The following ARK2C variants were observed in gnomAD, a reference collection of about 807,000 sequenced individuals.
The protein encoded by ARK2C is arkadia (RNF111) C-terminal like ring finger ubiquitin ligase 2C.
the ARK2C span, among the ~76,000 whole-genome samples, chr18:46,355,769 C>T: frequency 6.6e-6 from 1 of 152,220 alleles, no homozygotes; most frequent in Non-Finnish European, 1.5e-5. Context: ...ACACATGCCC[C>T]CTCAAGACCT....
chr18:46,433,885 T>C, the ARK2C span, among the ~76,000 whole-genome samples: 1 of 152,288 alleles, frequency 6.6e-6, no homozygotes, highest in African/African-American at 2.4e-5. Context: ...ACTAGGGAAC[T>C]CCTCATGTCC....
chr18:46,338,674 G>A, the ARK2C span, among the ~76,000 whole-genome samples: 1 of 151,790 alleles, frequency 6.6e-6, no homozygotes, highest in Non-Finnish European at 1.5e-5. Flanking sequence ...TTTTCCCAGA[G>A]TGGAACCCAA....
chr18:46,334,517 G>T, the ARK2C span: 2 of 502,038 alleles, frequency 4.0e-6, no homozygotes, highest in African/African-American at 4.1e-5. The surrounding 1 kb of genome is among the most constrained non-coding windows in gnomAD (Gnocchi z 4.4). Flanking sequence ...CGCCCTCGTG[G>T]GAGCTTTTGT....
the ARK2C span, among the ~76,000 whole-genome samples, chr18:46,389,735 C>T: frequency 6.8e-6 from 1 of 147,004 alleles, no homozygotes; most frequent in Non-Finnish European, 1.5e-5. Flanking sequence ...CATTTCTTTC[C>T]TTTTTTTTTT....
At chr18:46,411,423 T>G in the ARK2C span, among the ~76,000 whole-genome samples, 27 of 152,338 alleles carry the variant, frequency 1.8e-4, no homozygotes, top group Non-Finnish European at 3.4e-4. Context: ...GTCAGCTGAT[T>G]AATTTTCACT....
the ARK2C span, among the ~76,000 whole-genome samples, chr18:46,447,895 C>T: frequency 1.4e-5 from 2 of 147,952 alleles, no homozygotes; most frequent in Non-Finnish European, 3.0e-5. Context: ...CTTCTTGTGT[C>T]CTGGCTCCCT....
At chr18:46,376,664 CTTTTTTTTTTTT>C in the ARK2C span, among the ~76,000 whole-genome samples, 3 of 72,246 alleles carry the variant, frequency 4.2e-5, no homozygotes, top group African/African-American at 1.7e-4. Flanking sequence ...GGTTAATAAT[CTTTTTTTTTTTT>C]TTTTTTTTTT....
At chr18:46,362,943 C>A in the ARK2C span, among the ~76,000 whole-genome samples, 2 of 152,208 alleles carry the variant, frequency 1.3e-5, no homozygotes, top group African/African-American at 2.4e-5. Flanking sequence ...ATCAGACAGA[C>A]CCCGGGGCTC....
At chr18:46,367,895 T>A in the ARK2C span, among the ~76,000 whole-genome samples, 1 of 152,246 alleles carries the variant, frequency 6.6e-6, no homozygotes, top group Non-Finnish European at 1.5e-5. Flanking sequence ...CAGGCATCTG[T>A]ACTTTGAACC....
the ARK2C span, among the ~76,000 whole-genome samples, chr18:46,412,076 A>C: frequency 6.6e-6 from 1 of 152,230 alleles, no homozygotes; most frequent in Non-Finnish European, 1.5e-5. Context: ...CTCTTCCCCA[A>C]GTGCAGATCT....
chr18:46,336,947 C>G, the ARK2C span: 4 of 985,378 alleles, frequency 4.1e-6, no homozygotes, highest in South Asian at 1.9e-4. Flanking sequence ...CTTGGTGCAC[C>G]AAGGTCCCTG....
At chr18:46,401,519 G>C in the ARK2C span, among the ~76,000 whole-genome samples, 1 of 152,196 alleles carries the variant, frequency 6.6e-6, no homozygotes, top group Admixed American at 6.5e-5. Flanking sequence ...GACGTGAAGT[G>C]ATTTGCCCAT....
chr18:46,424,423 C>G, the ARK2C span, among the ~76,000 whole-genome samples: 4 of 152,136 alleles, frequency 2.6e-5, no homozygotes. Flanking sequence ...AACGTGGCAG[C>G]CATTTATTTG....
the ARK2C span, among the ~76,000 whole-genome samples, chr18:46,407,428 A>G: frequency 2.6e-5 from 4 of 152,072 alleles, no homozygotes; most frequent in African/African-American, 9.7e-5. Flanking sequence ...CGTCATCATC[A>G]TTATTATTAT....
At chr18:46,372,088 C>T in the ARK2C span, among the ~76,000 whole-genome samples, 1 of 152,134 alleles carries the variant, frequency 6.6e-6, no homozygotes, top group Non-Finnish European at 1.5e-5. Context: ...GACTGGCATC[C>T]ACACAGATGT....
chr18:46,443,367 A>G, the ARK2C span, among the ~76,000 whole-genome samples: 21 of 152,284 alleles, frequency 1.4e-4, no homozygotes, highest in Non-Finnish European at 2.5e-4. Context: ...CCTATTTAGC[A>G]TATCACACTC....
the ARK2C span, among the ~76,000 whole-genome samples, chr18:46,355,059 C>T: frequency 6.6e-6 from 1 of 152,130 alleles, no homozygotes; most frequent in African/African-American, 2.4e-5. Context: ...AAGCAATTAT[C>T]TTGCCTTAGC....
the ARK2C span, among the ~76,000 whole-genome samples, chr18:46,344,542 G>A: frequency 6.6e-6 from 1 of 152,204 alleles, no homozygotes; most frequent in Non-Finnish European, 1.5e-5. Flanking sequence ...CCCACCCCCA[G>A]CGTGGAGACA....
chr18:46,362,982 C>T, the ARK2C span, among the ~76,000 whole-genome samples: 3 of 152,204 alleles, frequency 2.0e-5, no homozygotes, highest in Admixed American at 6.5e-5. Flanking sequence ...GATCTTTCCA[C>T]GCCCACAGAA....
Sources: allele counts gnomAD v4.1 joint callset (sites outside exome capture counted in the v4.1 genomes callset), GRCh38; gene constraint gnomAD v4.1.1; non-coding constraint Gnocchi (gnomAD v3.1); transcripts MANE v1.5; gene names NCBI Gene and HGNC (gene_info 2026-07-23, HGNC 2026-07-21).